Variants in PPM1E observed in about 807,000 individuals in gnomAD.
The protein encoded by PPM1E is protein phosphatase 1E.
Under a neutral mutation model 65.9 loss-of-function variants are expected in PPM1E, and 20 were observed. The observed-to-expected ratio is 0.30, with a 90% CI of 0.21 to 0.44. The LOEUF is 0.44. PPM1E is among the 20% of genes least tolerant of loss of function. The pLI, the probability that PPM1E is intolerant of heterozygous loss-of-function variation, is 1.00. For missense variants in PPM1E, 713 were observed against 953.1 expected (o/e 0.75, Z 3.32); for synonymous variants, 352 against 374.9 (o/e 0.94, Z 0.70).
At chr17:58,881,996 C>CAAAA (rs58449667) in intron 1 of PPM1E, among the ~76,000 whole-genome samples, 34 of 62,176 alleles carry the variant, frequency 5.5e-4, no homozygotes, top group Non-Finnish European at 7.8e-4. Flanking sequence ...CCTGTCTCTA[C>CAAAA]AAAAAAAAAA....
At chr17:58,786,522 A>G (rs2050102787) in intron 1 of PPM1E, among the ~76,000 whole-genome samples, 1 of 152,348 alleles carries the variant, frequency 6.6e-6, no homozygotes, top group Non-Finnish European at 1.5e-5. Context: ...GCATAGATAC[A>G]CTGGACAAAG....
At chr17:58,784,469 T>C (rs2050078810) in intron 1 of PPM1E, among the ~76,000 whole-genome samples, 1 of 152,168 alleles carries the variant, frequency 6.6e-6, no homozygotes, top group East Asian at 1.9e-4. Context: ...TGGAGAAATA[T>C]TCATTCAAAT....
chr17:58,816,627 CT>C (rs542093235), intron 1 of PPM1E, among the ~76,000 whole-genome samples: 1 of 150,010 alleles, frequency 6.7e-6, no homozygotes, highest in Non-Finnish European at 1.5e-5. Context: ...TATTTTTGGT[CT>C]AGGTACTGCA....
At position 58,984,427 on chromosome 17, in the gene PPM1E, TG is replaced by T. The variant is rs1369913852; in HGVS notation, c.*3397del. The T allele has an allele frequency of 2.6e-5, 4 of 152,800 alleles. No individual in the cohort carries two copies. The highest frequency in any genetic ancestry group is 9.6e-5 in the African/African-American group (4 of 41,590). The allele number at this position is 152,800 out of a possible 1,614,324, so 9.5% of individuals were successfully genotyped here. A position where few individuals can be genotyped will look rare whatever the true frequency, so the allele number is the denominator to read the frequency against. Reference sequence around the variant, plus strand: ...CCCCATCAAATCCTTGATAAGGCTTTGTGGGAAAATGATCTAAATTATTGTT... The same window carrying T: ...CCCCATCAAATCCTTGATAAGGCTTTTGGGAAAATGATCTAAATTATTGTT... On this transcript the variant is annotated 3_prime_UTR_variant, in exon 7 of 7. Coordinates refer to ENST00000308249, the MANE Select transcript of PPM1E (RefSeq NM_014906.5).
intron 1 of PPM1E, among the ~76,000 whole-genome samples, chr17:58,779,852 T>G (rs1416915824): frequency 6.6e-6 from 1 of 152,338 alleles, no homozygotes; most frequent in Non-Finnish European, 1.5e-5. Context: ...CATAATGTGA[T>G]TATTCTACTA....
chr17:58,778,402 CTTTTTT>C (rs59155396), intron 1 of PPM1E, among the ~76,000 whole-genome samples: 1 of 86,064 alleles, frequency 1.2e-5, no homozygotes, highest in Non-Finnish European at 2.4e-5. Context: ...GGCTGGCCAT[CTTTTTT>C]TTTTTTTTTT....
At chr17:58,773,336 G>A (rs1351356533) in intron 1 of PPM1E, among the ~76,000 whole-genome samples, 1 of 151,984 alleles carries the variant, frequency 6.6e-6, no homozygotes, top group Non-Finnish European at 1.5e-5. Flanking sequence ...TGTTTGAAGG[G>A]GTTTGAAGGG....
At chr17:58,785,490 AG>A (rs2050091898) in intron 1 of PPM1E, 5 of 134,514 alleles carry the variant, frequency 3.7e-5, no homozygotes, top group Admixed American at 7.6e-5. Context: ...ATATATATAT[AG>A]TAGAACCAGG....
intron 2 of PPM1E, among the ~76,000 whole-genome samples, chr17:58,957,046 T>C (rs769336290): frequency 6.6e-5 from 10 of 152,194 alleles, no homozygotes; most frequent in Non-Finnish European, 1.5e-4. Context: ...CTATAAAGCA[T>C]TGGTTTTTCC....
chr17:58,792,522 T>C (rs2050165733), intron 1 of PPM1E, among the ~76,000 whole-genome samples: 1 of 150,922 alleles, frequency 6.6e-6, no homozygotes, highest in African/African-American at 2.4e-5. Flanking sequence ...TGTATGGTTT[T>C]GTAGAGACAG....
intron 1 of PPM1E, among the ~76,000 whole-genome samples, chr17:58,803,972 A>T (rs1236489526): frequency 1.3e-5 from 2 of 152,234 alleles, no homozygotes; most frequent in Non-Finnish European, 2.9e-5. Context: ...TCTGTCACCC[A>T]GGTTGGAGTG....
intron 3 of PPM1E, among the ~76,000 whole-genome samples, chr17:58,967,928 C>T (rs1428190997): frequency 2.6e-5 from 4 of 152,032 alleles, no homozygotes; most frequent in South Asian, 2.1e-4. Context: ...CTCAGCCTCC[C>T]GAGTAGCTGG....
At chr17:58,925,267 A>C (rs1210229853) in intron 1 of PPM1E, among the ~76,000 whole-genome samples, 2 of 151,794 alleles carry the variant, frequency 1.3e-5, no homozygotes, top group Admixed American at 1.3e-4. Context: ...AATAATTGCC[A>C]TTCTGACTGG....
intron 1 of PPM1E, among the ~76,000 whole-genome samples, chr17:58,900,696 T>C (rs1288110347): frequency 6.6e-6 from 1 of 152,196 alleles, no homozygotes; most frequent in Non-Finnish European, 1.5e-5. Context: ...ATGCCTGTAC[T>C]ATAGTTTCTT....
At chr17:58,861,422 T>G (rs2050941096) in intron 1 of PPM1E, among the ~76,000 whole-genome samples, 1 of 152,224 alleles carries the variant, frequency 6.6e-6, no homozygotes, top group Admixed American at 6.5e-5. Flanking sequence ...GCTGACTACC[T>G]CAGATGCTGT....
Position 58,755,881 on chromosome 17 carries a change from T to C in PPM1E, c.-117T>C. ...CTCCAGGCAACCTAGTGCTGATCGC[T>C]CGTGCCGGTGCGGCCGTTAACCGCC... On this transcript the variant is annotated 5_prime_UTR_variant, in exon 1 of 7. Transcript: ENST00000308249. 6.6e-7 allele frequency: 1 copy of C among 1,510,646 alleles called. No individual in the cohort carries two copies. Among genetic ancestry groups the C allele is most frequent in the Non-Finnish European group, 8.8e-7 (1 of 1,130,672 alleles). 93.6% of individuals were successfully genotyped at this position (1,510,646 alleles called of 1,614,324 possible).
intron 1 of PPM1E, among the ~76,000 whole-genome samples, chr17:58,831,020 G>A (rs574225410): frequency 1.0e-4 from 10 of 97,424 alleles, no homozygotes; most frequent in Non-Finnish European, 1.8e-4. Context: ...TTTTTTTTTC[G>A]TTTTTTTGAG....
intron 1 of PPM1E, among the ~76,000 whole-genome samples, chr17:58,904,189 A>G (rs1443603820): frequency 6.6e-6 from 1 of 152,182 alleles, no homozygotes; most frequent in Non-Finnish European, 1.5e-5. Flanking sequence ...TGAAGAAAAG[A>G]AGTTGAAGTC....
rs568575664 is a variant in PPM1E at position 58,983,558 on chromosome 17, A to G, written c.*2527A>G. ...AGTAACCCTCTAACTAATGGTATCT[A>G]CATATTTCTGTAACTTGTATTTAAT... On this transcript the variant is annotated 3_prime_UTR_variant, in exon 7 of 7. Transcript: ENST00000308249. 1 of 152,756 alleles carries G rather than the reference A, an allele frequency of 6.5e-6. No individual in the cohort carries two copies. The highest frequency in any genetic ancestry group is 2.1e-4 in the South Asian group (1 of 4,828). The allele number at this position is 152,756 out of a possible 1,614,324, so 9.5% of individuals were successfully genotyped here.
Sources: allele counts gnomAD v4.1 joint callset (sites outside exome capture counted in the v4.1 genomes callset), GRCh38; gene constraint gnomAD v4.1.1; transcripts MANE v1.5; gene names NCBI Gene and HGNC (gene_info 2026-07-23, HGNC 2026-07-21).